BLTP1: variants seen among roughly 807,000 people sequenced by gnomAD.
BLTP1 encodes the protein fragile site-associated protein.
chr4:122,316,193 A>G, the BLTP1 span, among the ~76,000 whole-genome samples: 14 of 151,528 alleles, frequency 9.2e-5, no homozygotes, highest in African/African-American at 3.4e-4. Flanking sequence ...TGTAGTTTCA[A>G]GTTATTTTGT....
the BLTP1 span, chr4:122,198,331 C>T: frequency 2.0e-6 from 2 of 985,202 alleles, no homozygotes; most frequent in Non-Finnish European, 2.4e-6. Flanking sequence ...TCAGAGTACG[C>T]AGTTCGAAAG....
At chr4:122,344,096 G>C in the BLTP1 span, 8 of 545,116 alleles carry the variant, frequency 1.5e-5, no homozygotes, top group African/African-American at 1.4e-4. Flanking sequence ...ACTAACTCTT[G>C]ACTTGTATTT....
At chr4:122,308,680 A>G in the BLTP1 span, among the ~76,000 whole-genome samples, 4 of 152,210 alleles carry the variant, frequency 2.6e-5, no homozygotes, top group Admixed American at 2.6e-4. Context: ...TTTCAGGAAT[A>G]TGTAACTGCA....
chr4:122,259,584 A>G, the BLTP1 span, among the ~76,000 whole-genome samples: 4 of 152,136 alleles, frequency 2.6e-5, no homozygotes, highest in African/African-American at 9.7e-5. Context: ...CTTTCTGGCC[A>G]GGCGCGGTGG....
chr4:122,273,207 T>G, the BLTP1 span: 3 of 959,860 alleles, frequency 3.1e-6, no homozygotes, highest in Non-Finnish European at 3.7e-6. Flanking sequence ...TTCAGAAATT[T>G]GTAAGGTCTA....
At chr4:122,170,639 A>G in the BLTP1 span, 8 of 1,554,674 alleles carry the variant, frequency 5.1e-6, no homozygotes, top group Non-Finnish European at 6.9e-6. Context: ...TTCTGGAAAA[A>G]CTTTAGTAAT....
chr4:122,227,009 TA>T, the BLTP1 span: 1 of 574,022 alleles, frequency 1.7e-6, no homozygotes, highest in Non-Finnish European at 2.6e-6. Context: ...GTATCTAAAA[TA>T]TGAGATAATT....
the BLTP1 span, chr4:122,249,407 C>A: frequency 6.4e-7 from 1 of 1,552,434 alleles, no homozygotes; most frequent in South Asian, 1.2e-5. Context: ...ACCAGTGTGC[C>A]ATATGTCCAA....
the BLTP1 span, chr4:122,339,554 G>C: frequency 3.4e-5 from 20 of 594,660 alleles, no homozygotes; most frequent in Non-Finnish European, 4.4e-5. Context: ...ATCTATAGCA[G>C]ACCAATGTTT....
At chr4:122,313,112 T>A in the BLTP1 span, 1 of 155,124 alleles carries the variant, frequency 6.4e-6, no homozygotes, top group South Asian at 2.0e-4. Flanking sequence ...ATCTTGAGAT[T>A]GACATCATAG....
the BLTP1 span, chr4:122,211,061 A>C: frequency 6.2e-7 from 1 of 1,613,092 alleles, no homozygotes; most frequent in East Asian, 2.2e-5. Flanking sequence ...ATAACTCTCT[A>C]TGGACCTCTA....
the BLTP1 span, chr4:122,226,685 A>C: frequency 1.1e-5 from 17 of 1,612,350 alleles, 1 homozygote; most frequent in South Asian, 1.3e-4. Context: ...AGTGTTGTCA[A>C]CTTGTCACTG....
At chr4:122,154,374 G>A in the BLTP1 span, 9 of 984,356 alleles carry the variant, frequency 9.1e-6, no homozygotes, top group African/African-American at 1.6e-4. Context: ...ATGGGGGTGG[G>A]GTGGTGGTGA....
chr4:122,170,601 T>C, the BLTP1 span: 1 of 1,499,542 alleles, frequency 6.7e-7, no homozygotes, highest in Non-Finnish European at 8.8e-7. Context: ...AATTTAACCT[T>C]TGAAATCTTT....
At chr4:122,337,167 C>A in the BLTP1 span, 1 of 679,612 alleles carries the variant, frequency 1.5e-6, no homozygotes, top group Non-Finnish European at 2.5e-6. Context: ...TTGGAGGTTG[C>A]CAGAATATGT....
At chr4:122,313,581 C>A in the BLTP1 span, 2 of 1,500,586 alleles carry the variant, frequency 1.3e-6, no homozygotes, top group Admixed American at 1.9e-5. Flanking sequence ...TATATAGTCA[C>A]AAATGTATTT....
the BLTP1 span, chr4:122,210,031 G>A: frequency 4.2e-6 from 6 of 1,426,690 alleles, no homozygotes; most frequent in South Asian, 4.2e-5. Context: ...TTGTGACATA[G>A]TATAAATATA....
At chr4:122,242,183 T>C in the BLTP1 span, among the ~76,000 whole-genome samples, 1 of 152,314 alleles carries the variant, frequency 6.6e-6, no homozygotes, top group South Asian at 2.1e-4. Flanking sequence ...CCCATGTTAA[T>C]TACAGGAGTA....
the BLTP1 span, chr4:122,264,433 C>A: frequency 1.3e-6 from 2 of 1,592,958 alleles, no homozygotes; most frequent in Non-Finnish European, 1.7e-6. Flanking sequence ...CACAGGTGAG[C>A]CAGCCTGCTT....
Sources: gnomAD v4.1 joint callset for allele counts (sites outside exome capture counted in the v4.1 genomes callset) on GRCh38, gnomAD v4.1.1 for gene constraint, MANE v1.5 for transcripts, NCBI Gene and HGNC (gene_info 2026-07-23, HGNC 2026-07-21) for gene names.